The following SEPTIN10 variants were observed in gnomAD, a reference collection of about 807,000 sequenced individuals.
SEPTIN10 encodes septin 10.
SEPTIN10 carries 66 observed loss-of-function variants against 54.8 expected under a neutral mutation model. That is an observed-to-expected ratio of 1.21 (90% confidence interval 0.99 to 1.48). The LOEUF is 1.48. SEPTIN10 is among the 40% of genes most tolerant of loss of function. SEPTIN10 has a pLI of 0.00. For missense variants in SEPTIN10, 620 were observed against 545.6 expected (o/e 1.14, Z -1.36); for synonymous variants, 161 against 181.0 (o/e 0.89, Z 0.89).
At chr2:109,594,242 T>C (rs1351368379) in intron 1 of SEPTIN10, among the ~76,000 whole-genome samples, 21 of 150,030 alleles carry the variant, frequency 1.4e-4, no homozygotes, top group Non-Finnish European at 2.7e-4. Flanking sequence ...TGTCACATTA[T>C]TTAAAAAACA....
intron 1 of SEPTIN10, among the ~76,000 whole-genome samples, chr2:109,596,471 G>C (rs1301959573): frequency 1.3e-5 from 2 of 151,958 alleles, no homozygotes; most frequent in East Asian, 3.9e-4. Context: ...CAAAAAATTA[G>C]CCGAGCGTGC....
rs1057011982 is a variant in SEPTIN10 at position 109,613,755 on chromosome 2, C to G, written c.30+43G>C. On this transcript the variant is annotated intron_variant, in intron 1 of 10. Transcript: ENST00000397712. Reference sequence around the variant, plus strand: ...TCGAGGGCGGGAAGTCCCGCGGGGGCCGGGGAGCGCGGGGCTGGGGCCCCG... The same window carrying G: ...TCGAGGGCGGGAAGTCCCGCGGGGGGCGGGGAGCGCGGGGCTGGGGCCCCG... 3.4e-6 allele frequency: 4 copies of G among 1,187,100 alleles called. No homozygotes were observed. In the African/African-American group the frequency reaches 6.3e-5, roughly 19 times the overall value. 73.5% of individuals were successfully genotyped at this position (1,187,100 alleles called of 1,614,324 possible). A position where few individuals can be genotyped will look rare whatever the true frequency, so the allele number is the denominator to read the frequency against.
chr2:109,598,422 T>C (rs1163868767), intron 1 of SEPTIN10, among the ~76,000 whole-genome samples: 2 of 152,220 alleles, frequency 1.3e-5, no homozygotes, highest in Non-Finnish European at 2.9e-5. Context: ...ATTATAAAGT[T>C]AGTCCAAAAT....
At chr2:109,559,772 G>C (rs1350272102) in intron 8 of SEPTIN10, among the ~76,000 whole-genome samples, 1 of 152,120 alleles carries the variant, frequency 6.6e-6, no homozygotes, top group African/African-American at 2.4e-5. Flanking sequence ...TATGAATTGT[G>C]AGCAGTGAAC....
intron 1 of SEPTIN10, among the ~76,000 whole-genome samples, chr2:109,600,667 G>C (rs757299350): frequency 2.3e-4 from 35 of 152,092 alleles, no homozygotes; most frequent in Non-Finnish European, 4.6e-4. Context: ...GACACTAGCT[G>C]GGTGCCCTCT....
intron 1 of SEPTIN10, among the ~76,000 whole-genome samples, chr2:109,611,509 A>G (rs1699243692): frequency 6.6e-6 from 1 of 152,126 alleles, no homozygotes; most frequent in African/African-American, 2.4e-5. Context: ...AAAATAGGCA[A>G]CATGTTGGGA....
rs751344445 is a variant in SEPTIN10 at position 109,574,555 on chromosome 2, T to C, written c.600+26A>G. On this transcript the variant is annotated intron_variant, in intron 5 of 10. Transcript: ENST00000397712. ...GTTAAAAATAAATATTAAAGTATGG[T>C]AAGTTGATTCCTTTCCTCAACCCAC... The C allele has an allele frequency of 4.3e-6, 6 of 1,400,688 alleles. No homozygotes were observed. In the East Asian group the frequency reaches 1.5e-4, roughly 35 times the overall value. The allele number at this position is 1,400,688 out of a possible 1,614,324, so 86.8% of individuals were successfully genotyped here.
At chr2:109,567,408 G>A (rs775029096) in intron 6 of SEPTIN10, among the ~76,000 whole-genome samples, 42 of 152,158 alleles carry the variant, frequency 2.8e-4, no homozygotes, top group Non-Finnish European at 5.3e-4. Flanking sequence ...GAGAGAAGGA[G>A]CATAAATACT....
At chr2:109,560,702 C>T (rs1350113845) in intron 8 of SEPTIN10, among the ~76,000 whole-genome samples, 1 of 152,164 alleles carries the variant, frequency 6.6e-6, no homozygotes, top group East Asian at 1.9e-4. Context: ...GTGCCTACCA[C>T]TGCTGCCTCA....
chr2:109,581,958 T>C (rs1210102858), intron 4 of SEPTIN10, among the ~76,000 whole-genome samples: 1 of 152,160 alleles, frequency 6.6e-6, no homozygotes, highest in Non-Finnish European at 1.5e-5. Flanking sequence ...TGAACTGATA[T>C]ACAACTTCAG....
intron 4 of SEPTIN10, among the ~76,000 whole-genome samples, chr2:109,576,607 A>AT (rs1421599543): frequency 6.6e-6 from 1 of 152,204 alleles, no homozygotes; most frequent in Non-Finnish European, 1.5e-5. Context: ...TATATTTCAC[A>AT]TAAAAATTCC....
At position 109,553,075 on chromosome 2, in the gene SEPTIN10, C is replaced by T; in HGVS notation, c.1161+12G>A. 1 of 1,609,776 alleles carries T rather than the reference C, an allele frequency of 6.2e-7. No homozygotes were observed. Among genetic ancestry groups the T allele is most frequent in the Non-Finnish European group, 8.5e-7 (1 of 1,179,192 alleles). ...AAAATAAATGCAAATCACATCAAACCAGCATACTTGCCTCTCTCTCAGCTT... is the reference window on the plus strand; with the variant it reads ...AAAATAAATGCAAATCACATCAAACTAGCATACTTGCCTCTCTCTCAGCTT... On this transcript the variant is annotated intron_variant, in intron 9 of 10. Coordinates refer to ENST00000397712, the MANE Select transcript of SEPTIN10 (RefSeq NM_144710.5).
At chr2:109,563,747 A>G (rs1468313274) in intron 8 of SEPTIN10, among the ~76,000 whole-genome samples, 2 of 152,208 alleles carry the variant, frequency 1.3e-5, no homozygotes, top group Admixed American at 1.3e-4. Flanking sequence ...TTCTTCCTTT[A>G]TAATATGTTT....
chr2:109,550,234 A>G (rs1319281933), intron 9 of SEPTIN10, among the ~76,000 whole-genome samples: 3 of 151,808 alleles, frequency 2.0e-5, no homozygotes, highest in African/African-American at 7.2e-5. Context: ...AGGTTGCGGT[A>G]AGCTGAGATT....
intron 5 of SEPTIN10, among the ~76,000 whole-genome samples, chr2:109,573,907 T>C (rs1288552206): frequency 6.6e-6 from 1 of 152,220 alleles, no homozygotes; most frequent in Non-Finnish European, 1.5e-5. Flanking sequence ...CAATATCTAA[T>C]GCAACATTAG....
At chr2:109,570,927 TG>T (rs1688225112) in intron 5 of SEPTIN10, among the ~76,000 whole-genome samples, 1 of 152,234 alleles carries the variant, frequency 6.6e-6, no homozygotes, top group East Asian at 1.9e-4. Flanking sequence ...CGACATGGTT[TG>T]GATTTGTGTC....
At chr2:109,586,672 G>A (rs561328870) in intron 2 of SEPTIN10, among the ~76,000 whole-genome samples, 71 of 152,322 alleles carry the variant, frequency 4.7e-4, no homozygotes, top group African/African-American at 1.6e-3. Flanking sequence ...GAGGAGCTAT[G>A]CAGAGTTTTC....
intron 1 of SEPTIN10, among the ~76,000 whole-genome samples, chr2:109,605,132 T>C (rs1425769744): frequency 6.6e-6 from 1 of 152,182 alleles, no homozygotes; most frequent in Non-Finnish European, 1.5e-5. Flanking sequence ...TCCTTGAGAC[T>C]TGAATTGTTC....
intron 4 of SEPTIN10, among the ~76,000 whole-genome samples, chr2:109,579,696 C>T (rs1396664952): frequency 6.6e-6 from 1 of 151,424 alleles, no homozygotes; most frequent in East Asian, 2.0e-4. Context: ...CCCTGATTTT[C>T]ATTGGTTAGT....
Sources: allele counts gnomAD v4.1 joint callset (sites outside exome capture counted in the v4.1 genomes callset), GRCh38; gene constraint gnomAD v4.1.1; transcripts MANE v1.5; gene names NCBI Gene and HGNC (gene_info 2026-07-23, HGNC 2026-07-21).